Variants in MTMR2 observed in about 807,000 individuals in gnomAD.
The protein encoded by MTMR2 is phosphatidylinositol-3,5-bisphosphate 3-phosphatase MTMR2.
MTMR2 carries 55 observed loss-of-function variants against 86.9 expected under a neutral mutation model. The observed-to-expected ratio is 0.63, with a 90% confidence interval of 0.51 to 0.79. The LOEUF (loss-of-function observed/expected upper bound fraction) is 0.79. MTMR2 is among the 30% of genes least tolerant of loss of function. The pLI, the probability that MTMR2 is intolerant of heterozygous loss-of-function variation, is 0.00. For synonymous variants in MTMR2, 241 were observed against 266.8 expected, an observed-to-expected ratio of 0.90 and a Z score of 0.94; for missense variants, 659 against 772.3, an observed-to-expected ratio of 0.85 and a Z score of 1.74.
At chr11:95,900,496 G>A (rs1199670151) in intron 1 of MTMR2, among the ~76,000 whole-genome samples, 1 of 152,190 alleles carries the variant, frequency 6.6e-6, no homozygotes, top group African/African-American at 2.4e-5. Context: ...TCTCTATAAT[G>A]TTTTAGAAAT....
chr11:95,836,069 A>C, intron 14 of MTMR2, 79 bp downstream of exon 14: 1 of 1,360,516 alleles, frequency 7.4e-7, no homozygotes, highest in Non-Finnish European at 1.0e-6. Context: ...ATGCACAGAT[A>C]ATCTTTCCAG....
At chr11:95,872,733 T>A (rs1198157228) in intron 2 of MTMR2, among the ~76,000 whole-genome samples, 1 of 152,196 alleles carries the variant, frequency 6.6e-6, no homozygotes, top group East Asian at 1.9e-4. Context: ...CCATTCAGTA[T>A]GATACTGGCT....
intron 2 of MTMR2, among the ~76,000 whole-genome samples, chr11:95,887,281 G>A (rs1377207817): frequency 2.6e-5 from 4 of 152,124 alleles, no homozygotes; most frequent in African/African-American, 4.8e-5. Context: ...GGAATAAAAA[G>A]ATTCTGACAT....
intron 2 of MTMR2, among the ~76,000 whole-genome samples, chr11:95,883,287 CAAAT>C (rs1336516243): frequency 6.6e-6 from 1 of 152,060 alleles, no homozygotes; most frequent in Non-Finnish European, 1.5e-5. Flanking sequence ...CTCCAGTGAG[CAAAT>C]AAATAATCAG....
chr11:95,841,520 A>T, intron 12 of MTMR2, 97 bp downstream of exon 12: 1 of 874,458 alleles, frequency 1.1e-6, no homozygotes, highest in Non-Finnish European at 2.0e-6. Flanking sequence ...AAGAATTTCC[A>T]TTTAATGATC....
chr11:95,915,367 G>C (rs755273459), intron 1 of MTMR2, among the ~76,000 whole-genome samples: 7 of 152,100 alleles, frequency 4.6e-5, no homozygotes, highest in Non-Finnish European at 8.8e-5. Flanking sequence ...ATATGTTTCT[G>C]ACTTAATGTC....
intron 13 of MTMR2, among the ~76,000 whole-genome samples, chr11:95,837,480 G>C (rs1357270648): frequency 6.6e-6 from 1 of 151,912 alleles, no homozygotes; most frequent in East Asian, 1.9e-4. Flanking sequence ...TTGATACATA[G>C]GATAGACAAG....
chr11:95,874,777 T>TA (rs1865039725), intron 2 of MTMR2, among the ~76,000 whole-genome samples: 1 of 152,218 alleles, frequency 6.6e-6, no homozygotes, highest in Admixed American at 6.5e-5. Context: ...GGAGCGCTTG[T>TA]AGGGCAGGCC....
chr11:95,879,519 T>G (rs1358721303), intron 2 of MTMR2, among the ~76,000 whole-genome samples: 4 of 152,200 alleles, frequency 2.6e-5, no homozygotes, highest in Non-Finnish European at 5.9e-5. Context: ...CAACTTTTAC[T>G]TGGAATTATT....
At chr11:95,889,079 C>T (rs1415639021) in intron 1 of MTMR2, among the ~76,000 whole-genome samples, 1 of 152,010 alleles carries the variant, frequency 6.6e-6, no homozygotes, top group African/African-American at 2.4e-5. Context: ...TCTACTTCTT[C>T]CATTATAAGT....
chr11:95,890,761 G>A (rs1022108804), intron 1 of MTMR2, among the ~76,000 whole-genome samples: 2 of 152,186 alleles, frequency 1.3e-5, no homozygotes, highest in Non-Finnish European at 2.9e-5. Flanking sequence ...ATAAATGGGT[G>A]AGCACAGCTG....
At chr11:95,921,401 T>C (rs1034612259) in intron 1 of MTMR2, among the ~76,000 whole-genome samples, 11 of 152,150 alleles carry the variant, frequency 7.2e-5, no homozygotes, top group African/African-American at 2.4e-4. Context: ...TGAGATAATA[T>C]AGGCCAAACA....
chr11:95,853,552 C>T (rs556942094), intron 7 of MTMR2, among the ~76,000 whole-genome samples: 1 of 152,174 alleles, frequency 6.6e-6, no homozygotes, highest in African/African-American at 2.4e-5. Context: ...CCAGATCTCT[C>T]CCTTGCCACT....
At chr11:95,913,866 A>C (rs751147317) in intron 1 of MTMR2, among the ~76,000 whole-genome samples, 6 of 152,190 alleles carry the variant, frequency 3.9e-5, no homozygotes, top group Non-Finnish European at 8.8e-5. Context: ...CACTTGAATA[A>C]CATACACAAC....
rs570127 is a variant in MTMR2 at position 95,887,581 on chromosome 11, T to C, written c.186+575A>G. 149,588 of 159,750 alleles carry C rather than the reference T, an allele frequency of 0.94. 72,643 individuals are homozygous for C. Among genetic ancestry groups the C allele is most frequent in the East Asian group, 1 (5,208 of 5,210 alleles). The allele number at this position is 159,750 out of a possible 1,614,324, so 9.9% of individuals were successfully genotyped here. ...ACTAATGTGGTTAATTTCATAGAAA[T>C]GAGACCTTTAATAAATAGAGGAATA... On this transcript the variant is annotated intron_variant, in intron 2 of 14. Coordinates refer to ENST00000346299, the MANE Select transcript of MTMR2 (RefSeq NM_016156.6).
intron 12 of MTMR2, among the ~76,000 whole-genome samples, chr11:95,841,263 T>C (rs1863535475): frequency 2.6e-5 from 4 of 152,142 alleles, no homozygotes; most frequent in Admixed American, 2.6e-4. Context: ...CAGTTAAAGT[T>C]ACTTAAAATA....
chr11:95,860,171 G>A (rs1864356073), intron 5 of MTMR2, among the ~76,000 whole-genome samples: 1 of 152,090 alleles, frequency 6.6e-6, no homozygotes, highest in Non-Finnish European at 1.5e-5. Context: ...ACACATGGTT[G>A]CCAGCGATTA....
intron 1 of MTMR2, among the ~76,000 whole-genome samples, chr11:95,913,320 T>C (rs536182938): frequency 6.6e-6 from 1 of 152,262 alleles, no homozygotes; most frequent in East Asian, 1.9e-4. Context: ...AATAGCTCTA[T>C]GACCTCAGAG....
intron 5 of MTMR2, among the ~76,000 whole-genome samples, chr11:95,859,765 C>T (rs1864340240): frequency 6.6e-6 from 1 of 152,004 alleles, no homozygotes; most frequent in Non-Finnish European, 1.5e-5. Flanking sequence ...CTTTATTATG[C>T]CTCATTTTGT....
Sources: allele counts gnomAD v4.1 joint callset (sites outside exome capture counted in the v4.1 genomes callset), GRCh38; gene constraint gnomAD v4.1.1; transcripts MANE v1.5; gene names NCBI Gene and HGNC (gene_info 2026-07-23, HGNC 2026-07-21).